The following TMEM184B variants were observed in gnomAD, a reference collection of about 807,000 sequenced individuals.
TMEM184B encodes the protein transmembrane protein 184B, also known as putative MAPK-activating protein FM08.
A neutral mutation model predicts 41.8 loss-of-function variants in TMEM184B; 17 were observed. That is an observed-to-expected ratio of 0.41 (90% confidence interval 0.28 to 0.61). The LOEUF (loss-of-function observed/expected upper bound fraction) is 0.61. Among genes scored for constraint, TMEM184B ranks in the 20% least tolerant of loss-of-function variants. TMEM184B has a pLI of 0.34. For missense variants in TMEM184B, 393 were observed against 557.8 expected (o/e 0.70, Z 2.98); for synonymous variants, 240 against 229.5 (o/e 1.05, Z -0.41).
At chr22:38,240,654 C>T (rs2091883382) in intron 3 of TMEM184B, among the ~76,000 whole-genome samples, 1 of 150,936 alleles carries the variant, frequency 6.6e-6, no homozygotes, top group South Asian at 2.1e-4. Context: ...ATGACTATCC[C>T]ACCTCCTGTG....
intron 1 of TMEM184B, among the ~76,000 whole-genome samples, chr22:38,257,971 C>G (rs1328128904): frequency 6.6e-6 from 1 of 152,146 alleles, no homozygotes; most frequent in Non-Finnish European, 1.5e-5. Context: ...TGGCTCAGTT[C>G]CAGGCTGCAG....
At chr22:38,258,813 G>T (rs998772959) in intron 1 of TMEM184B, among the ~76,000 whole-genome samples, 4 of 152,184 alleles carry the variant, frequency 2.6e-5, no homozygotes, top group Non-Finnish European at 2.9e-5. Flanking sequence ...AGACTTAGAA[G>T]AACCTTTGGG....
Position 38,219,622 on chromosome 22 carries a change from C to G in TMEM184B, c.*1847G>C. ...GTTCCCGTCCCCACGACCCCACGGA[C>G]CGCTGATTCCCTGCCACTGAGCTCC... On this transcript the variant is annotated 3_prime_UTR_variant, in exon 9 of 9. Transcript: ENST00000361906. The G allele has an allele frequency of 1.5e-5, 15 of 985,504 alleles. No homozygotes were observed. Among genetic ancestry groups the G allele is most frequent in the Non-Finnish European group, 1.8e-5 (15 of 829,942 alleles). The allele number at this position is 985,504 out of a possible 1,614,324, so 61.0% of individuals were successfully genotyped here.
intron 2 of TMEM184B, chr22:38,246,868 G>A (rs1479545445): frequency 3.8e-6 from 5 of 1,302,862 alleles, no homozygotes; most frequent in Non-Finnish European, 5.1e-6. Context: ...ATCACACTTG[G>A]CCCAGCCGAG....
chr22:38,227,310 G>A (rs2091474067), intron 5 of TMEM184B, among the ~76,000 whole-genome samples: 1 of 152,148 alleles, frequency 6.6e-6, no homozygotes, highest in African/African-American at 2.4e-5. Context: ...AGGCTCGACA[G>A]GCAGAGGGGG....
chr22:38,217,830 CAA>C (rs374397588), downstream of TMEM184B, among the ~76,000 whole-genome samples: 1 of 87,856 alleles, frequency 1.1e-5, no homozygotes. Context: ...GACTCCATCT[CAA>C]AAAAAAAAAA....
downstream of TMEM184B, among the ~76,000 whole-genome samples, chr22:38,219,140 T>G (rs1260135560): frequency 6.6e-6 from 1 of 152,100 alleles, no homozygotes; most frequent in African/African-American, 2.4e-5. Flanking sequence ...GGCCTTGACC[T>G]TGGTCCCTAT....
At chr22:38,223,703 G>A (rs916620510) in intron 8 of TMEM184B, 1 of 152,366 alleles carries the variant, frequency 6.6e-6, no homozygotes, top group South Asian at 2.1e-4. Context: ...TGTCAGAGAA[G>A]GAGGCTCCCC....
chr22:38,227,600 G>A (rs1432912291), intron 5 of TMEM184B, among the ~76,000 whole-genome samples: 1 of 152,216 alleles, frequency 6.6e-6, no homozygotes, highest in African/African-American at 2.4e-5. Context: ...GAGGTGACCT[G>A]CAGGAGCCCA....
intron 1 of TMEM184B, among the ~76,000 whole-genome samples, chr22:38,261,380 G>A (rs1029825571): frequency 2.0e-5 from 3 of 152,088 alleles, no homozygotes; most frequent in African/African-American, 4.8e-5. Flanking sequence ...ACAAACAAGC[G>A]GAGGCCACTC....
intron 1 of TMEM184B, among the ~76,000 whole-genome samples, chr22:38,263,511 C>T (rs1482599214): frequency 2.0e-5 from 3 of 152,170 alleles, no homozygotes; most frequent in East Asian, 1.9e-4. Flanking sequence ...TATGGCCACG[C>T]GGTATCCCAT....
chr22:38,256,266 G>A (rs2092277616), intron 1 of TMEM184B, among the ~76,000 whole-genome samples: 1 of 151,092 alleles, frequency 6.6e-6, no homozygotes, highest in African/African-American at 2.4e-5. Flanking sequence ...AGGCCGGAGT[G>A]CAGTGGTGTG....
chr22:38,261,096 G>A (rs536824141), intron 1 of TMEM184B, among the ~76,000 whole-genome samples: 3 of 152,280 alleles, frequency 2.0e-5, no homozygotes, highest in East Asian at 1.9e-4. Context: ...CACTCCAGCC[G>A]CCTGGGAATG....
At chr22:38,241,000 G>C (rs1212098069) in intron 3 of TMEM184B, among the ~76,000 whole-genome samples, 4 of 152,202 alleles carry the variant, frequency 2.6e-5, no homozygotes, top group African/African-American at 9.6e-5. Context: ...TGGAAGACGT[G>C]CTCCAACCAG....
chr22:38,261,108 C>A lies in TMEM184B; in HGVS notation c.-59+11776G>T, dbSNP rs574614318. On this transcript the variant is annotated intron_variant, in intron 1 of 8. Coordinates refer to ENST00000361906, the MANE Select transcript of TMEM184B (RefSeq NM_012264.5). ...TCCCACTCCAGCCGCCTGGGAATGACAACGGGAATGACAGCCGGCCCTCCT... is the reference window on the plus strand; with the variant it reads ...TCCCACTCCAGCCGCCTGGGAATGAAAACGGGAATGACAGCCGGCCCTCCT... 1.2e-4 allele frequency among the ~76,000 whole-genome samples: 18 copies of A among 152,342 alleles called. No homozygotes were observed. The Middle Eastern group carries it at 0.01, about 86-fold the overall frequency.
At position 38,220,131 on chromosome 22, in the gene TMEM184B, T is replaced by C. The variant is rs2091219220; in HGVS notation, c.*1338A>G. 1.0e-6 allele frequency: 1 copy of C among 985,174 alleles called. No homozygotes were observed. Among genetic ancestry groups the C allele is most frequent in the South Asian group, 4.7e-5 (1 of 21,274 alleles). 61.0% of individuals were successfully genotyped at this position (985,174 alleles called of 1,614,324 possible). On this transcript the variant is annotated 3_prime_UTR_variant, in exon 9 of 9. Coordinates refer to ENST00000361906, the MANE Select transcript of TMEM184B (RefSeq NM_012264.5). ...ACACTTTGCCTGTAGGGACACGTGT[T>C]GTGACACGAGGCTCTTCCTAAGTCA...
chr22:38,258,552 A>G (rs1219937523), intron 1 of TMEM184B, among the ~76,000 whole-genome samples: 2 of 152,074 alleles, frequency 1.3e-5, no homozygotes, highest in Non-Finnish European at 2.9e-5. Context: ...CACCAACCTC[A>G]GCCTCCCAAA....
chr22:38,251,975 G>A (rs2092175143), intron 1 of TMEM184B, among the ~76,000 whole-genome samples: 1 of 150,810 alleles, frequency 6.6e-6, no homozygotes, highest in African/African-American at 2.5e-5. Context: ...GCTCACTGCA[G>A]CCTTGACCTC....
chr22:38,268,374 CAAAAA>C (rs34786032), intron 1 of TMEM184B, among the ~76,000 whole-genome samples: 1 of 121,750 alleles, frequency 8.2e-6, no homozygotes, highest in African/African-American at 3.3e-5. Context: ...GACCCTGTCT[CAAAAA>C]AAAAAAAAAA....
Sources: allele counts gnomAD v4.1 joint callset (sites outside exome capture counted in the v4.1 genomes callset), GRCh38; gene constraint gnomAD v4.1.1; transcripts MANE v1.5; gene names NCBI Gene and HGNC (gene_info 2026-07-23, HGNC 2026-07-21).